The following GRXCR2 variants were observed in gnomAD, a reference collection of about 807,000 sequenced individuals.
GRXCR2 encodes glutaredoxin domain-containing cysteine-rich protein 2.
GRXCR2 carries 23 observed loss-of-function variants against 24.8 expected under a neutral mutation model. That is an observed-to-expected ratio of 0.93 (90% CI 0.67 to 1.32). GRXCR2 has a LOEUF of 1.32. Ranked by LOEUF, GRXCR2 falls within the 40% of genes most tolerant of loss-of-function variation. GRXCR2 has a pLI of 0.00. For missense variants in GRXCR2, 315 were observed against 303.4 expected (o/e 1.04, Z -0.28); for synonymous variants, 130 against 116.1 (o/e 1.12, Z -0.77).
At chr5:145,860,325 C>T (rs956732095) in intron 2 of GRXCR2, among the ~76,000 whole-genome samples, 1 of 152,204 alleles carries the variant, frequency 6.6e-6, no homozygotes, top group Non-Finnish European at 1.5e-5. Context: ...TATCATCCAT[C>T]TAATCCTCAC....
intron 1 of GRXCR2, among the ~76,000 whole-genome samples, chr5:145,869,780 A>G (rs1303157750): frequency 6.6e-6 from 1 of 152,122 alleles, no homozygotes; most frequent in African/African-American, 2.4e-5. Context: ...GATGGTCTCC[A>G]TCTCCTGACC....
intron 2 of GRXCR2, among the ~76,000 whole-genome samples, chr5:145,898,540 T>C (rs897430312): frequency 6.6e-6 from 1 of 152,072 alleles, no homozygotes; most frequent in Non-Finnish European, 1.5e-5. Context: ...CTTTAAAAAA[T>C]ACTAGCAAAC....
At chr5:145,877,829 G>T (rs561514582), upstream of GRXCR2, among the ~76,000 whole-genome samples, 202 of 152,320 alleles carry the variant, frequency 1.3e-3, 1 homozygote, top group African/African-American at 4.4e-3. Flanking sequence ...CCAGAGGAAG[G>T]ATGAGGCAGC....
upstream of GRXCR2, among the ~76,000 whole-genome samples, chr5:145,873,341 T>C (rs1756564501): frequency 6.6e-6 from 1 of 152,236 alleles, no homozygotes; most frequent in African/African-American, 2.4e-5. Context: ...AGTGTCTTCT[T>C]ATTGTTAGCA....
upstream of GRXCR2, among the ~76,000 whole-genome samples, chr5:145,876,851 G>C (rs887333836): frequency 6.6e-6 from 1 of 152,124 alleles, no homozygotes; most frequent in African/African-American, 2.4e-5. Flanking sequence ...ATCGAAAGCA[G>C]TTTTGGCAGT....
rs536466064 is a variant in GRXCR2 at position 145,862,607 on chromosome 5, C to T, written c.565-2692G>A. Among the ~76,000 whole-genome samples, 10 of 152,294 alleles carry T rather than the reference C, an allele frequency of 6.6e-5. No individual in the cohort carries two copies. In the South Asian group the frequency reaches 1.5e-3, roughly 22 times the overall value. ...TAGGTTCTAGAACCCAACAGACCCACCAATCCACCTCTACTAGCTCCATGA... is the reference window on the plus strand; with the variant it reads ...TAGGTTCTAGAACCCAACAGACCCATCAATCCACCTCTACTAGCTCCATGA... On this transcript the variant is annotated intron_variant, in intron 2 of 2. Coordinates refer to ENST00000377976, the MANE Select transcript of GRXCR2 (RefSeq NM_001080516.2).
chr5:145,864,830 C>G (rs1295090777), intron 2 of GRXCR2, among the ~76,000 whole-genome samples: 1 of 152,074 alleles, frequency 6.6e-6, no homozygotes, highest in Non-Finnish European at 1.5e-5. Context: ...AGGGGGTGAC[C>G]TAATCAGATT....
At chr5:145,896,514 C>A in intron 2 of GRXCR2, among the ~76,000 whole-genome samples, 1 of 152,062 alleles carries the variant, frequency 6.6e-6, no homozygotes. Flanking sequence ...TTCATGCAGC[C>A]AAAAGGCACA....
In GRXCR2 at chr5:145,910,837, A is replaced by AGTGTGTGTGTGTGT. The variant is rs59096502; in HGVS notation, c.-70+24850_-70+24863dup. Among the ~76,000 whole-genome samples, 1,138 of 150,304 alleles carry AGTGTGTGTGTGTGT rather than the reference A, an allele frequency of 7.6e-3. 8 individuals carry two copies. Among genetic ancestry groups the AGTGTGTGTGTGTGT allele is most frequent in the Middle Eastern group, 0.017 (5 of 286 alleles). On this transcript the variant is annotated intron_variant, in intron 2 of 3. Transcript: ENST00000639411. ...GTAGATAAGAAGGGGAACTATGTGA[A>AGTGTGTGTGTGTGT]GTGTGTGTGTGTGTGTGTGTGTACC...
intron 2 of GRXCR2, among the ~76,000 whole-genome samples, chr5:145,889,402 C>T (rs1441542041): frequency 1.3e-5 from 2 of 151,972 alleles, no homozygotes; most frequent in South Asian, 2.1e-4. Context: ...TAACCAAATA[C>T]CACCTGTGCC....
At position 145,859,797 on chromosome 5, in the gene GRXCR2, C is replaced by G; in HGVS notation, c.683G>C (p.Arg228Pro). Residue 228 changes from arginine to proline, a missense_variant, in exon 3 of 3, where the codon CGG (arginine) becomes CCG (proline). Arg to Pro is a moderately radical substitution (Grantham distance 103). Transcript: ENST00000377976. ...MLANRFKESYRALRCPACNEN... is the reference protein window; with the variant it reads ...MLANRFKESYPALRCPACNEN... ...ATTGCAGGCAGGGCACCTCAGGGCCCGATAGGACTCCTTAAATCTGTTGGC... is the reference window on the plus strand; with the variant it reads ...ATTGCAGGCAGGGCACCTCAGGGCCGGATAGGACTCCTTAAATCTGTTGGC... 6.2e-7 allele frequency: 1 copy of G among 1,614,126 alleles called. No individual in the cohort carries two copies. The highest frequency in any genetic ancestry group is 8.5e-7 in the Non-Finnish European group (1 of 1,180,004).
At chr5:145,901,465 G>A (rs1343724468) in intron 2 of GRXCR2, among the ~76,000 whole-genome samples, 1 of 152,136 alleles carries the variant, frequency 6.6e-6, no homozygotes, top group Non-Finnish European at 1.5e-5. Context: ...TGACACAATG[G>A]TAGGTGTTAG....
At chr5:145,893,933 C>T (rs1475897012) in intron 2 of GRXCR2, among the ~76,000 whole-genome samples, 3 of 152,278 alleles carry the variant, frequency 2.0e-5, no homozygotes, top group Middle Eastern at 3.4e-3. Context: ...AACAAACTGT[C>T]TCTCAGACCA....
chr5:145,895,705 C>T (rs1369485449), intron 2 of GRXCR2, among the ~76,000 whole-genome samples: 1 of 152,146 alleles, frequency 6.6e-6, no homozygotes, highest in Non-Finnish European at 1.5e-5. Flanking sequence ...GGCCATACTG[C>T]CCAAGCTAAT....
At chr5:145,896,398 A>G (rs572421246) in intron 2 of GRXCR2, among the ~76,000 whole-genome samples, 2 of 152,350 alleles carry the variant, frequency 1.3e-5, no homozygotes, top group East Asian at 3.9e-4. Flanking sequence ...CAAAGGGCTA[A>G]TATCCAGAAT....
At chr5:145,881,047 T>C (rs1312242345) in intron 2 of GRXCR2, among the ~76,000 whole-genome samples, 4 of 152,196 alleles carry the variant, frequency 2.6e-5, no homozygotes, top group Non-Finnish European at 5.9e-5. Flanking sequence ...ATAAGAGCTA[T>C]TTATGACAAA....
intron 2 of GRXCR2, 35 bp downstream of exon 2, chr5:145,866,466 A>T: frequency 6.6e-7 from 1 of 1,506,966 alleles, no homozygotes; most frequent in Non-Finnish European, 9.2e-7. Context: ...CTGTAGGGCC[A>T]GCTCCGAGCA....
At chr5:145,929,063 T>C (rs1290543443) in intron 2 of GRXCR2, among the ~76,000 whole-genome samples, 1 of 151,484 alleles carries the variant, frequency 6.6e-6, no homozygotes, top group Non-Finnish European at 1.5e-5. Context: ...TTATATTATA[T>C]ATATGTATAT....
intron 2 of GRXCR2, among the ~76,000 whole-genome samples, chr5:145,922,037 T>C (rs1179182191): frequency 3.9e-5 from 6 of 152,200 alleles, no homozygotes; most frequent in Non-Finnish European, 5.9e-5. Flanking sequence ...AGGGAATCTC[T>C]GTCACTCCCT....
Sources: allele counts gnomAD v4.1 joint callset (sites outside exome capture counted in the v4.1 genomes callset), GRCh38; gene constraint gnomAD v4.1.1; transcripts MANE v1.5; gene names NCBI Gene and HGNC (gene_info 2026-07-23, HGNC 2026-07-21).